The following FGD4 variants were observed in gnomAD, a reference collection of about 807,000 sequenced individuals.
The protein encoded by FGD4 is FYVE, RhoGEF and PH domain containing 4.
FGD4 carries 42 observed loss-of-function variants against 102.0 expected under a neutral mutation model. That is an observed-to-expected ratio of 0.41 (90% CI 0.32 to 0.53). The LOEUF (loss-of-function observed/expected upper bound fraction) is 0.53, where lower values mean the gene tolerates loss of function less well. Among genes scored for constraint, FGD4 ranks in the 20% least tolerant of loss-of-function variants. The pLI is 0.21. For synonymous variants in FGD4, 380 were observed against 375.7 expected (o/e 1.01, Z -0.13); for missense variants, 902 against 1,078.2 (o/e 0.84, Z 2.29).
At chr12:32,542,203 G>A (rs1158351575) in intron 1 of FGD4, among the ~76,000 whole-genome samples, 1 of 152,200 alleles carries the variant, frequency 6.6e-6, no homozygotes, top group Non-Finnish European at 1.5e-5. Flanking sequence ...TTGCAACACA[G>A]TAGGCTGAGG....
intron 15 of FGD4, among the ~76,000 whole-genome samples, chr12:32,634,052 C>A (rs1466439765): frequency 6.6e-6 from 1 of 152,186 alleles, no homozygotes; most frequent in Non-Finnish European, 1.5e-5. Flanking sequence ...TTTGTTATTT[C>A]TTTGAGTGTT....
At chr12:32,519,008 G>A (rs1298763772) in intron 1 of FGD4, among the ~76,000 whole-genome samples, 2 of 151,342 alleles carry the variant, frequency 1.3e-5, no homozygotes, top group Non-Finnish European at 2.9e-5. Context: ...CCAGCTACTC[G>A]GGAGGCTGAG....
At chr12:32,622,394 TG>T (rs143084696) in intron 11 of FGD4, among the ~76,000 whole-genome samples, 2,021 of 152,288 alleles carry the variant, frequency 0.013, 36 homozygotes, top group African/African-American at 0.044. Flanking sequence ...TGGGGCTAAT[TG>T]GTGAGGAATT....
At chr12:32,482,105 T>G (rs1029482981) in intron 1 of FGD4, among the ~76,000 whole-genome samples, 1 of 152,194 alleles carries the variant, frequency 6.6e-6, no homozygotes, top group Non-Finnish European at 1.5e-5. Flanking sequence ...AATGGATAAA[T>G]TAAGCATTTT....
intron 1 of FGD4, among the ~76,000 whole-genome samples, chr12:32,521,372 C>CAAAAAAAAA (rs60786078): frequency 1.1e-5 from 1 of 93,970 alleles, no homozygotes; most frequent in Admixed American, 1.1e-4. Context: ...GACTCCGTCT[C>CAAAAAAAAA]AAAAAAAAAA....
chr12:32,572,285 G>C (rs577468438), intron 2 of FGD4, among the ~76,000 whole-genome samples: 8 of 152,288 alleles, frequency 5.3e-5, no homozygotes, highest in African/African-American at 1.9e-4. Flanking sequence ...CTAAGTAAAT[G>C]TTATAGTAGG....
intron 4 of FGD4, among the ~76,000 whole-genome samples, chr12:32,596,571 T>G (rs932073434): frequency 6.8e-6 from 1 of 147,398 alleles, no homozygotes; most frequent in Non-Finnish European, 1.5e-5. Context: ...GAATTATGTA[T>G]GCAATGGAAA....
intron 1 of FGD4, among the ~76,000 whole-genome samples, chr12:32,422,384 C>G (rs189094100): frequency 1.4e-5 from 2 of 140,782 alleles, no homozygotes; most frequent in African/African-American, 5.3e-5. Context: ...CTACAAGCTC[C>G]GCTTCCCGAG....
intron 1 of FGD4, among the ~76,000 whole-genome samples, chr12:32,427,413 C>T (rs141031065): frequency 0.06 from 9,124 of 152,168 alleles, 394 homozygotes; most frequent in South Asian, 0.13. Context: ...AATTTGATTG[C>T]GCTGTAGTCT....
At chr12:32,602,381 A>G (rs1216141997) in intron 7 of FGD4, 64 bp downstream of exon 7, 21 of 1,593,548 alleles carry the variant, frequency 1.3e-5, no homozygotes, top group Admixed American at 8.4e-5. Context: ...ACAGTCTTCT[A>G]TATCTAAAAC....
intron 1 of FGD4, among the ~76,000 whole-genome samples, chr12:32,537,069 C>G (rs139469150): frequency 6.6e-6 from 1 of 151,958 alleles, no homozygotes; most frequent in Non-Finnish European, 1.5e-5. Flanking sequence ...CCACCATGCC[C>G]GGCTAATTTT....
chr12:32,482,445 A>G (rs565858627), intron 1 of FGD4, among the ~76,000 whole-genome samples: 7 of 152,214 alleles, frequency 4.6e-5, no homozygotes, highest in Admixed American at 6.5e-5. Flanking sequence ...CCAAAATTCT[A>G]TTTCTGGCTC....
Position 32,476,878 on chromosome 12 carries a change from AGTTGTG to A in FGD4, c.166+76921_166+76926del, listed in dbSNP as rs375660909. On this transcript the variant is annotated intron_variant, in intron 1 of 16. Transcript: ENST00000534526. ...ATCTCTTAGTGGGGGTAGTGGCAGA[AGTTGTG>A]GCTGTCATTAATCCACTGTAATCTG... is the stretch of plus-strand genomic sequence containing the variant. Among the ~76,000 whole-genome samples the A allele has an allele frequency of 3.1e-3, 467 of 152,360 alleles. 1 individual carries two copies. Among genetic ancestry groups the A allele is most frequent in the Middle Eastern group, 0.031 (9 of 294 alleles).
intron 14 of FGD4, among the ~76,000 whole-genome samples, chr12:32,627,231 T>C (rs1360067203): frequency 2.0e-5 from 3 of 149,394 alleles, no homozygotes; most frequent in Non-Finnish European, 3.0e-5. Flanking sequence ...CTTGGCTCAC[T>C]GCAACCTCCA....
chr12:32,582,359 G>A lies in FGD4; in HGVS notation c.903G>A (p.Val301=), dbSNP rs1946683017. Residue 301 remains valine (V), a synonymous_variant, in exon 4 of 17, where the codon GTG becomes GTA. Coordinates refer to ENST00000534526, the MANE Select transcript of FGD4 (RefSeq NM_001370298.3). ...ACAGGACTCCAGGCATAGGCCCAGT[G>A]CTCCCCCTAGAAGAAAGAGGGGCAG... ...SSYRTPGIGP[V]LPLEERGAET... is the part of the protein sequence containing the mutation. The A allele has an allele frequency of 6.2e-7, 1 of 1,614,164 alleles. No individual in the cohort carries two copies. Among genetic ancestry groups the A allele is most frequent in the Non-Finnish European group, 8.5e-7 (1 of 1,180,018 alleles).
intron 1 of FGD4, among the ~76,000 whole-genome samples, chr12:32,550,813 G>A (rs1273616182): frequency 2.6e-5 from 4 of 151,876 alleles, no homozygotes; most frequent in African/African-American, 7.3e-5. Flanking sequence ...AATGAAAAAC[G>A]TTTTTAGAAT....
intron 1 of FGD4, among the ~76,000 whole-genome samples, chr12:32,466,553 C>T (rs1217006597): frequency 6.6e-6 from 1 of 152,032 alleles, no homozygotes; most frequent in Non-Finnish European, 1.5e-5. Context: ...ATCCAAAATA[C>T]CTTCCAACTT....
intron 10 of FGD4, among the ~76,000 whole-genome samples, chr12:32,613,469 G>C (rs575749869): frequency 1.6e-4 from 24 of 152,170 alleles, no homozygotes; most frequent in Non-Finnish European, 2.9e-4. Context: ...ACATCAGTTT[G>C]AGGCCAGGCA....
At chr12:32,569,145 T>C (rs1945436683) in intron 2 of FGD4, among the ~76,000 whole-genome samples, 1 of 152,168 alleles carries the variant, frequency 6.6e-6, no homozygotes, top group Non-Finnish European at 1.5e-5. Flanking sequence ...TTTAAAAATT[T>C]ACCTAGAATC....
Sources: allele counts gnomAD v4.1 joint callset (sites outside exome capture counted in the v4.1 genomes callset), GRCh38; gene constraint gnomAD v4.1.1; transcripts MANE v1.5; gene names NCBI Gene and HGNC (gene_info 2026-07-23, HGNC 2026-07-21).